RSU1: variants seen among roughly 807,000 people sequenced by gnomAD.
The protein encoded by RSU1 is Ras suppressor protein 1.
In RSU1, 26 loss-of-function variants were observed where a neutral mutation model predicts 31.1. That is an observed-to-expected ratio of 0.84 (90% CI 0.61 to 1.16). RSU1 has a LOEUF of 1.16. Among genes scored for constraint, RSU1 ranks in the 50% most tolerant of loss-of-function variants. The probability of loss-of-function intolerance (pLI) is 0.00; values close to 1 mark genes in which losing one functional copy is unlikely to be tolerated. For synonymous variants in RSU1, 164 were observed against 136.3 expected (o/e 1.20, Z -1.41); for missense variants, 320 against 339.1 (o/e 0.94, Z 0.44).
At chr10:16,763,124 C>T (rs1165287085) in intron 4 of RSU1, among the ~76,000 whole-genome samples, 2 of 152,162 alleles carry the variant, frequency 1.3e-5, no homozygotes, top group Non-Finnish European at 2.9e-5. Flanking sequence ...TGACTTTGCA[C>T]AGAGACTGCA....
rs184255370 is a variant in RSU1 at position 16,806,689 on chromosome 10, C to T, written c.109+10284G>A. On this transcript the variant is annotated intron_variant, in intron 2 of 8. Coordinates refer to ENST00000345264, the MANE Select transcript of RSU1 (RefSeq NM_012425.4). ...AAAGAGTGCACAACGTTGTAGAATA[C>T]AAACATATAATAAATTACATAGGCA... Among the ~76,000 whole-genome samples the T allele has an allele frequency of 3.3e-5, 5 of 152,256 alleles. No homozygotes were observed. The East Asian group carries it at 9.6e-4, about 29-fold the overall frequency.
At chr10:16,692,809 T>C (rs2131560436) in intron 8 of RSU1, among the ~76,000 whole-genome samples, 1 of 152,346 alleles carries the variant, frequency 6.6e-6, no homozygotes. Context: ...ATCCTATACC[T>C]ATCTCATTTT....
chr10:16,610,049 A>G (rs968667941), intron 8 of RSU1, among the ~76,000 whole-genome samples: 4 of 152,260 alleles, frequency 2.6e-5, no homozygotes, highest in African/African-American at 4.8e-5. Context: ...AATATAGCCA[A>G]AATATCATTT....
rs114788644 is a variant in RSU1, at chr10:16,815,745, C to G, written c.109+1228G>C. Reference sequence around the variant, plus strand: ...ACAAAGCAATACACACGACCACCTTCACAGAGGAGGGAAGGGATATGTTAG... The same window carrying G: ...ACAAAGCAATACACACGACCACCTTGACAGAGGAGGGAAGGGATATGTTAG... On this transcript the variant is annotated intron_variant, in intron 2 of 8. Coordinates refer to ENST00000345264, the MANE Select transcript of RSU1 (RefSeq NM_012425.4). Among the ~76,000 whole-genome samples the G allele has an allele frequency of 4.9e-3, 739 of 152,298 alleles. 7 individuals carry two copies. Among genetic ancestry groups the G allele is most frequent in the African/African-American group, 0.017 (713 of 41,572 alleles).
intron 8 of RSU1, among the ~76,000 whole-genome samples, chr10:16,626,769 G>A (rs1416882269): frequency 6.6e-6 from 1 of 152,156 alleles, no homozygotes; most frequent in East Asian, 1.9e-4. Context: ...AATCTATAGG[G>A]CAGTTCATGA....
At chr10:16,653,491 G>A (rs1834721929) in intron 8 of RSU1, among the ~76,000 whole-genome samples, 1 of 152,170 alleles carries the variant, frequency 6.6e-6, no homozygotes, top group South Asian at 2.1e-4. Context: ...GAGTATAAAT[G>A]TGCCGGGATG....
intron 2 of RSU1, among the ~76,000 whole-genome samples, chr10:16,788,331 A>C (rs7078875): frequency 1.3e-5 from 2 of 151,994 alleles, no homozygotes; most frequent in African/African-American, 4.8e-5. Context: ...TCCCCAAAAA[A>C]TTCATATACG....
rs143933113 is a variant in RSU1, at chr10:16,794,130, G to T, written c.110-12046C>A. 3.9e-4 allele frequency among the ~76,000 whole-genome samples: 60 copies of T among 152,200 alleles called. No individual in the cohort carries two copies. In the East Asian group the frequency reaches 9.7e-3, roughly 24 times the overall value. ...CATCACTGACACGCACCCCTCCTATGACTCTCCAGCCTTTGGCCTTGCACT... is the reference window on the plus strand; with the variant it reads ...CATCACTGACACGCACCCCTCCTATTACTCTCCAGCCTTTGGCCTTGCACT... On this transcript the variant is annotated intron_variant, in intron 2 of 8. Transcript: ENST00000345264.
intron 7 of RSU1, among the ~76,000 whole-genome samples, chr10:16,751,458 T>C (rs1156229006): frequency 6.6e-6 from 1 of 152,142 alleles, no homozygotes. Flanking sequence ...CCAACAGAAC[T>C]CAAGGTGCTG....
intron 8 of RSU1, among the ~76,000 whole-genome samples, chr10:16,642,741 A>G (rs931340672): frequency 6.6e-6 from 1 of 152,182 alleles, no homozygotes; most frequent in Non-Finnish European, 1.5e-5. Context: ...CAAAAGACTA[A>G]CCACCGCATC....
chr10:16,591,519 A>G lies in RSU1; in HGVS notation c.*1875T>C, dbSNP rs1833504385. On this transcript the variant is annotated 3_prime_UTR_variant, in exon 9 of 9. Transcript: ENST00000345264. Reference sequence around the variant, plus strand: ...AGCCATGTGAAAGAATGTTTATTTCATGTTACTCCTCTTGCACTTAATACT... The same window carrying G: ...AGCCATGTGAAAGAATGTTTATTTCGTGTTACTCCTCTTGCACTTAATACT... 6.6e-6 allele frequency: 1 copy of G among 152,158 alleles called. No homozygotes were observed. Among genetic ancestry groups the G allele is most frequent in the African/African-American group, 2.4e-5 (1 of 41,446 alleles). 9.4% of individuals were successfully genotyped at this position (152,158 alleles called of 1,614,324 possible).
intron 4 of RSU1, among the ~76,000 whole-genome samples, chr10:16,764,116 T>C (rs1020537194): frequency 1.3e-5 from 2 of 152,184 alleles, no homozygotes; most frequent in African/African-American, 4.8e-5. Context: ...TCAGCAGAAC[T>C]GAGATAAAAT....
intron 8 of RSU1, among the ~76,000 whole-genome samples, chr10:16,642,422 T>A (rs1834459887): frequency 6.6e-6 from 1 of 152,204 alleles, no homozygotes; most frequent in Admixed American, 6.5e-5. Flanking sequence ...TAGGAATCTA[T>A]TACCAGTGAT....
intron 7 of RSU1, among the ~76,000 whole-genome samples, chr10:16,719,639 CT>C (rs1288065282): frequency 6.6e-6 from 1 of 152,154 alleles, no homozygotes; most frequent in Non-Finnish European, 1.5e-5. Flanking sequence ...CGTTTATTCC[CT>C]TTGGTCTGCT....
chr10:16,813,949 T>C (rs967005054), intron 2 of RSU1, among the ~76,000 whole-genome samples: 7 of 152,264 alleles, frequency 4.6e-5, no homozygotes, highest in African/African-American at 1.7e-4. Context: ...GCATCTCATA[T>C]GCTTAGTAGT....
At chr10:16,779,454 C>T (rs765674123) in intron 3 of RSU1, among the ~76,000 whole-genome samples, 1 of 152,132 alleles carries the variant, frequency 6.6e-6, no homozygotes, top group Non-Finnish European at 1.5e-5. Flanking sequence ...TTCAATAACC[C>T]TGTAGATCTT....
At position 16,752,997 on chromosome 10, in the gene RSU1, G is replaced by A. The variant is rs765450141; in HGVS notation, c.404C>T (p.Thr135Ile). Residue 135 changes from threonine (T) to isoleucine (I), a missense_variant, in exon 6 of 9, where the codon ACC becomes ATC. By Grantham distance (89) the Thr-to-Ile change is moderately conservative. Transcript: ENST00000345264. Reference sequence around the variant, plus strand: ...GTCACTTAGATAGAGTGCACGCAGGGTGGCTGCAAATTAAACAGCAATATA... The same window carrying A: ...GTCACTTAGATAGAGTGCACGCAGGATGGCTGCAAATTAAACAGCAATATA... ...SLPGNFFYLT[T>I]LRALYLSDND... 6.2e-7 allele frequency: 1 copy of A among 1,613,770 alleles called. No individual in the cohort carries two copies.
chr10:16,760,095 C>T (rs1451103037), intron 4 of RSU1, among the ~76,000 whole-genome samples: 6 of 152,124 alleles, frequency 3.9e-5, no homozygotes, highest in East Asian at 1.9e-4. Context: ...TTGACAACTC[C>T]GTCTATGTAG....
intron 8 of RSU1, among the ~76,000 whole-genome samples, chr10:16,657,985 G>C (rs1588698562): frequency 7.0e-6 from 1 of 143,358 alleles, no homozygotes; most frequent in East Asian, 2.2e-4. Context: ...GCGAGAATCT[G>C]TCTCAAAAAA....
Sources: allele counts gnomAD v4.1 joint callset (sites outside exome capture counted in the v4.1 genomes callset), GRCh38; gene constraint gnomAD v4.1.1; transcripts MANE v1.5; gene names NCBI Gene and HGNC (gene_info 2026-07-23, HGNC 2026-07-21).